EPS15L1: variants seen among roughly 807,000 people sequenced by gnomAD.
EPS15L1 encodes the protein epidermal growth factor receptor pathway substrate 15 like 1.
EPS15L1 carries 43 observed loss-of-function variants against 117.1 expected under a neutral mutation model. The ratio of observed to expected loss-of-function variants is 0.37; its 90% CI spans 0.29 to 0.47. The LOEUF (loss-of-function observed/expected upper bound fraction) is 0.47, where lower values mean the gene tolerates loss of function less well. Ranked by LOEUF, EPS15L1 falls within the 20% of genes least tolerant of loss-of-function variation. EPS15L1 has a pLI of 0.99. For missense variants in EPS15L1, 981 were observed against 1,164.0 expected (o/e 0.84, Z 2.29); for synonymous variants, 459 against 470.5 (o/e 0.98, Z 0.32).
At chr19:16,360,904 A>G (rs8100479) in intron 23 of EPS15L1, among the ~76,000 whole-genome samples, 146,580 of 152,222 alleles carry the variant, frequency 0.96, 70,777 homozygotes, top group African/African-American at 0.99. Flanking sequence ...TAAATAACAC[A>G]TCTCACACCT....
chr19:16,471,408 C>CAGA lies in EPS15L1; in HGVS notation c.33+504_33+505insTCT, dbSNP rs2093345194. On this transcript the variant is annotated intron_variant, in intron 1 of 23. Transcript: ENST00000455140. The surrounding 1 kb of genome is among the most constrained non-coding windows in gnomAD (Gnocchi z 4.8). ...AGAGAGGCGCCCGGAGACGTACGATCTGCGCCCGGTGCAGGGGTGGCGGAA... is the reference window on the plus strand; with the variant it reads ...AGAGAGGCGCCCGGAGACGTACGATCAGATGCGCCCGGTGCAGGGGTGGCGGAA... Among the ~76,000 whole-genome samples the CAGA allele has an allele frequency of 6.6e-6, 1 of 152,238 alleles. No homozygotes were observed. Among genetic ancestry groups the CAGA allele is most frequent in the Non-Finnish European group, 1.5e-5 (1 of 68,040 alleles).
At chr19:16,367,497 T>TAAAAAAA (rs71178691) in intron 22 of EPS15L1, among the ~76,000 whole-genome samples, 4 of 65,306 alleles carry the variant, frequency 6.1e-5, no homozygotes, top group African/African-American at 1.3e-4. Context: ...TATGTGCTGT[T>TAAAAAAA]AAAAAAAAAA....
chr19:16,418,570 T>C (rs2092783055), intron 10 of EPS15L1, among the ~76,000 whole-genome samples: 1 of 152,210 alleles, frequency 6.6e-6, no homozygotes, highest in African/African-American at 2.4e-5. Context: ...AGCAGCACTT[T>C]GGGGTGTCAT....
At chr19:16,392,104 C>T (rs993642899) in intron 19 of EPS15L1, among the ~76,000 whole-genome samples, 200 bp downstream of exon 19, 7 of 152,184 alleles carry the variant, frequency 4.6e-5, no homozygotes, top group Non-Finnish European at 8.8e-5. Flanking sequence ...GATGTCACTG[C>T]AGTGACTAGG....
At chr19:16,440,583 T>C (rs2093021444) in intron 4 of EPS15L1, 2 of 223,902 alleles carry the variant, frequency 8.9e-6, no homozygotes, top group Non-Finnish European at 1.7e-5. Context: ...TGGTCCAAAA[T>C]AAAAAGTCTG....
intron 1 of EPS15L1, among the ~76,000 whole-genome samples, chr19:16,458,446 GCCCCGCCCCCA>G (rs1239658189): frequency 6.6e-6 from 1 of 151,924 alleles, no homozygotes; most frequent in Non-Finnish European, 1.5e-5. Context: ...TGGGAGGGCC[GCCCCGCCCCCA>G]CCCCGCTTGC....
chr19:16,359,304 A>T (rs1361417608), intron 23 of EPS15L1, among the ~76,000 whole-genome samples: 1 of 152,224 alleles, frequency 6.6e-6, no homozygotes, highest in Non-Finnish European at 1.5e-5. Context: ...TAGCACAAAT[A>T]GTCAAGATCC....
At chr19:16,426,189 C>T (rs942024273) in intron 8 of EPS15L1, among the ~76,000 whole-genome samples, 3 of 152,220 alleles carry the variant, frequency 2.0e-5, no homozygotes, top group Non-Finnish European at 2.9e-5. Flanking sequence ...GTTGACATCA[C>T]GTTCCCCCAG....
intron 23 of EPS15L1, 46 bp from the exon 24 acceptor site, chr19:16,355,897 G>T: frequency 6.6e-7 from 1 of 1,525,848 alleles, no homozygotes; most frequent in Non-Finnish European, 8.8e-7. Context: ...CTGGGGCTGG[G>T]ACCTGCAAGC....
Position 16,355,795 on chromosome 19 carries a change from T to G in EPS15L1, c.2643A>C (p.Glu881Asp). 6.5e-7 allele frequency: 1 copy of G among 1,536,130 alleles called. No homozygotes were observed. The highest frequency in any genetic ancestry group is 8.7e-7 in the Non-Finnish European group (1 of 1,146,852). ...AWAKRESEKA[E>D]QERLARLRRQ... ...GCCGCAGCCGCGCCAGCCTCTCCTGTTCCGCCTTCTCGCTCTCCCGCTTGG... is the reference window on the plus strand; with the variant it reads ...GCCGCAGCCGCGCCAGCCTCTCCTGGTCCGCCTTCTCGCTCTCCCGCTTGG... The change falls in exon 24 of 24, where the codon GAA (glutamate) becomes GAC (aspartate). Residue 881 changes from glutamate to aspartate, a missense_variant. Transcript: ENST00000455140.
chr19:16,402,055 G>A lies in EPS15L1; in HGVS notation c.1791+266C>T, dbSNP rs932579777. 6.9e-5 allele frequency: 83 copies of A among 1,209,454 alleles called. No homozygotes were observed. The African/African-American group carries it at 1.2e-3, about 17-fold the overall frequency. The allele number at this position is 1,209,454 out of a possible 1,614,324, so 74.9% of individuals were successfully genotyped here. A position where few individuals can be genotyped will look rare whatever the true frequency, so the allele number is the denominator to read the frequency against. On this transcript the variant is annotated intron_variant, in intron 16 of 23. Transcript: ENST00000455140. The stretch of plus-strand genomic sequence containing the variant: ...TGGTTGGCCCAATGTAAATACTTCC[G>A]CAGAGATGGAGGGCATTCAAAACAG...
intron 11 of EPS15L1, 129 bp from the exon 12 acceptor site, chr19:16,417,766 C>T: frequency 8.7e-7 from 1 of 1,152,430 alleles, no homozygotes; most frequent in Non-Finnish European, 1.3e-6. Context: ...GCAAAAGTGT[C>T]AGCCCCCTGC....
chr19:16,460,373 A>G (rs1208054549), intron 1 of EPS15L1, among the ~76,000 whole-genome samples: 1 of 152,250 alleles, frequency 6.6e-6, no homozygotes, highest in African/African-American at 2.4e-5. Flanking sequence ...AGATAAGTAC[A>G]CACCTGTAAA....
At chr19:16,372,491 G>A (rs2092239091) in intron 22 of EPS15L1, among the ~76,000 whole-genome samples, 1 of 152,174 alleles carries the variant, frequency 6.6e-6, no homozygotes, top group South Asian at 2.1e-4. Flanking sequence ...CACAGAGGAC[G>A]CTGGAGCCCT....
At chr19:16,468,310 G>A (rs1409307153) in intron 1 of EPS15L1, among the ~76,000 whole-genome samples, 1 of 152,178 alleles carries the variant, frequency 6.6e-6, no homozygotes, top group Non-Finnish European at 1.5e-5. Context: ...GACCCAGCAA[G>A]GTTAGGTGGA....
intron 10 of EPS15L1, 37 bp from the exon 11 acceptor site, chr19:16,418,141 GGC>G: frequency 6.3e-7 from 1 of 1,585,380 alleles, no homozygotes; most frequent in Non-Finnish European, 8.6e-7. Flanking sequence ...ACACATCACA[GGC>G]GCCGACTCAG....
intron 1 of EPS15L1, among the ~76,000 whole-genome samples, chr19:16,445,811 G>A (rs1311791269): frequency 1.3e-5 from 2 of 152,200 alleles, no homozygotes; most frequent in African/African-American, 2.4e-5. Context: ...GATGAGGCCT[G>A]CACCGTAAGA....
intron 22 of EPS15L1, 139 bp downstream of exon 22, chr19:16,376,983 G>T: frequency 8.9e-7 from 1 of 1,123,290 alleles, no homozygotes; most frequent in Non-Finnish European, 1.2e-6. Flanking sequence ...CTGGGCAGCT[G>T]GGCCGGGGGG....
At chr19:16,468,213 TCA>T (rs1039139003) in intron 1 of EPS15L1, among the ~76,000 whole-genome samples, 8 of 152,064 alleles carry the variant, frequency 5.3e-5, no homozygotes, top group Admixed American at 2.6e-4. Flanking sequence ...CGGCAGGAGC[TCA>T]CAGTGATGTT....
Sources: gnomAD v4.1 joint callset for allele counts (sites outside exome capture counted in the v4.1 genomes callset) on GRCh38, gnomAD v4.1.1 for gene constraint, Gnocchi (gnomAD v3.1) non-coding constraint, MANE v1.5 for transcripts, NCBI Gene and HGNC (gene_info 2026-07-23, HGNC 2026-07-21) for gene names.